The following BABAM2 variants were observed in gnomAD, a reference collection of about 807,000 sequenced individuals.
BABAM2 encodes BRISC and BRCA1-A complex member 2.
In BABAM2, 31 loss-of-function variants were observed where a neutral mutation model predicts 54.7. That is an observed-to-expected ratio of 0.57 (90% confidence interval 0.43 to 0.77). The LOEUF (loss-of-function observed/expected upper bound fraction) is 0.77, where lower values mean the gene tolerates loss of function less well. Among genes scored for constraint, BABAM2 ranks in the 30% least tolerant of loss-of-function variants. The pLI, the probability that BABAM2 is intolerant of heterozygous loss-of-function variation, is 0.00. For missense variants in BABAM2, 364 were observed against 455.8 expected (o/e 0.80, Z 1.83); for synonymous variants, 167 against 162.9 (o/e 1.03, Z -0.19).
intron 7 of BABAM2, among the ~76,000 whole-genome samples, chr2:28,201,749 A>G (rs1002859970): frequency 2.0e-5 from 3 of 152,190 alleles, no homozygotes; most frequent in Non-Finnish European, 4.4e-5. Flanking sequence ...GCCTCTTGCC[A>G]GAGATTTCTT....
intron 6 of BABAM2, among the ~76,000 whole-genome samples, chr2:28,066,036 G>C (rs1012730342): frequency 4.7e-5 from 7 of 150,220 alleles, no homozygotes; most frequent in African/African-American, 1.7e-4. Flanking sequence ...ACACATGCCT[G>C]TAGTCCCAGC....
At chr2:28,310,226 T>G in intron 11 of BABAM2, 1 of 1,485,858 alleles carries the variant, frequency 6.7e-7, no homozygotes, top group South Asian at 1.2e-5. Context: ...TTGAAAAGCC[T>G]GGCCATCAAT....
At chr2:27,925,537 G>C (rs977627114) in intron 2 of BABAM2, among the ~76,000 whole-genome samples, 6 of 152,122 alleles carry the variant, frequency 3.9e-5, no homozygotes, top group African/African-American at 1.4e-4. Context: ...GCATCCCTGG[G>C]GGGTAAACAC....
At chr2:28,298,629 C>T (rs1687881700) in intron 11 of BABAM2, 138 bp downstream of exon 11, 2 of 1,052,882 alleles carry the variant, frequency 1.9e-6, no homozygotes, top group South Asian at 3.5e-5. Context: ...AACACAGCAA[C>T]ACCCATTTCT....
At chr2:27,998,627 C>T (rs1035193182) in intron 4 of BABAM2, among the ~76,000 whole-genome samples, 14 of 152,010 alleles carry the variant, frequency 9.2e-5, no homozygotes, top group African/African-American at 3.1e-4. Context: ...CAAACCAGTC[C>T]TTTTTCTTTA....
At chr2:28,333,733 A>C (rs970054078) in intron 11 of BABAM2, among the ~76,000 whole-genome samples, 2 of 152,192 alleles carry the variant, frequency 1.3e-5, no homozygotes, top group African/African-American at 4.8e-5. Flanking sequence ...TTCAGTGAGG[A>C]GCTTGACACT....
chr2:27,984,574 A>G (rs1287002537), intron 3 of BABAM2, among the ~76,000 whole-genome samples: 2 of 151,810 alleles, frequency 1.3e-5, no homozygotes, highest in African/African-American at 2.4e-5. Flanking sequence ...TCTTGTTTAA[A>G]TTTCTTCCCT....
At chr2:28,026,927 A>T (rs7421130) in intron 5 of BABAM2, among the ~76,000 whole-genome samples, 65 of 18,138 alleles carry the variant, frequency 3.6e-3, no homozygotes, top group Non-Finnish European at 5.2e-3. Context: ...AATATATATA[A>T]ATATATATAT....
chr2:27,891,214 C>T (rs1407532379), intron 1 of BABAM2: 4 of 152,178 alleles, frequency 2.6e-5, no homozygotes, highest in African/African-American at 9.7e-5. Flanking sequence ...AATGTTGCCC[C>T]TTGGGGGAAA....
chr2:27,917,197 T>C (rs1667039908), intron 2 of BABAM2, among the ~76,000 whole-genome samples: 1 of 151,914 alleles, frequency 6.6e-6, no homozygotes, highest in Admixed American at 6.6e-5. Context: ...TTTGTATTTT[T>C]AGTAGAGATG....
intron 5 of BABAM2, among the ~76,000 whole-genome samples, chr2:28,044,881 C>T (rs940754509): frequency 5.3e-5 from 8 of 151,776 alleles, no homozygotes; most frequent in African/African-American, 1.7e-4. Context: ...GATGGAAGAC[C>T]GAGGATTCCA....
At position 28,199,553 on chromosome 2, in the gene BABAM2, C is replaced by T. The variant is rs563119884; in HGVS notation, c.681-37649C>T. On this transcript the variant is annotated intron_variant, in intron 7 of 11. Transcript: ENST00000379624. ...TTTTGTTTAGACTATAATTAGGGCC[C>T]GGAAGATATGATTGAAACTAGGTAT... is the stretch of plus-strand genomic sequence containing the variant. Among the ~76,000 whole-genome samples, 11 of 152,158 alleles carry T rather than the reference C, an allele frequency of 7.2e-5. No individual in the cohort carries two copies. In the South Asian group the frequency reaches 8.3e-4, roughly 11 times the overall value.
At chr2:28,096,056 C>T (rs560244021) in intron 6 of BABAM2, among the ~76,000 whole-genome samples, 1 of 151,992 alleles carries the variant, frequency 6.6e-6, no homozygotes, top group Non-Finnish European at 1.5e-5. Context: ...TGTCCTCTTA[C>T]TCCCTGTACT....
chr2:28,233,329 G>C, intron 7 of BABAM2: 1 of 468,192 alleles, frequency 2.1e-6, no homozygotes, highest in South Asian at 1.6e-5. Flanking sequence ...GGAATGTCTT[G>C]AGTGAGCCCT....
At chr2:28,028,966 T>C (rs1168424449) in intron 5 of BABAM2, among the ~76,000 whole-genome samples, 1 of 152,034 alleles carries the variant, frequency 6.6e-6, no homozygotes, top group Non-Finnish European at 1.5e-5. Flanking sequence ...GGGATTTCAC[T>C]ATATTGGTCA....
intron 3 of BABAM2, among the ~76,000 whole-genome samples, chr2:27,960,564 G>A (rs766808011): frequency 1.4e-4 from 22 of 152,050 alleles, no homozygotes; most frequent in African/African-American, 3.4e-4. Context: ...TCTACTTTGC[G>A]TAGCTCAGCT....
At chr2:28,250,236 C>G (rs190224035) in intron 10 of BABAM2, among the ~76,000 whole-genome samples, 22 of 151,944 alleles carry the variant, frequency 1.4e-4, no homozygotes, top group African/African-American at 5.3e-4. Context: ...GTGCAAAAGC[C>G]CTGAGCCCTG....
chr2:27,899,102 C>T (rs532227179), intron 2 of BABAM2, among the ~76,000 whole-genome samples: 1 of 151,702 alleles, frequency 6.6e-6, no homozygotes, highest in South Asian at 2.1e-4. Context: ...CTTCTCTAAA[C>T]AAAAATAAAG....
intron 1 of BABAM2, among the ~76,000 whole-genome samples, chr2:27,891,792 A>G (rs1011987797): frequency 6.7e-6 from 1 of 148,910 alleles, no homozygotes; most frequent in African/African-American, 2.5e-5. Context: ...ACATAGTATT[A>G]TGGCTGCCCT....
Sources: allele counts gnomAD v4.1 joint callset (sites outside exome capture counted in the v4.1 genomes callset), GRCh38; gene constraint gnomAD v4.1.1; transcripts MANE v1.5; gene names NCBI Gene and HGNC (gene_info 2026-07-23, HGNC 2026-07-21).